The following CORO2B variants were observed in gnomAD, a reference collection of about 807,000 sequenced individuals.
CORO2B encodes the protein coronin-2B.
In CORO2B, 26 loss-of-function variants were observed where a neutral mutation model predicts 58.8. That is an observed-to-expected ratio of 0.44 (90% CI 0.32 to 0.61). The LOEUF (loss-of-function observed/expected upper bound fraction) is 0.61. Among genes scored for constraint, CORO2B ranks in the 20% least tolerant of loss-of-function variants. The pLI, the probability that CORO2B is intolerant of heterozygous loss-of-function variation, is 0.04. For synonymous variants in CORO2B, 242 were observed against 253.8 expected, an observed-to-expected ratio of 0.95 and a Z score of 0.44; for missense variants, 460 against 645.1, an observed-to-expected ratio of 0.71 and a Z score of 3.11.
chr15:68,639,214 A>G (rs572823434), intron 1 of CORO2B, among the ~76,000 whole-genome samples: 3 of 152,284 alleles, frequency 2.0e-5, no homozygotes, highest in East Asian at 1.9e-4. Flanking sequence ...CCCCCCTACC[A>G]TACTGAGAGA....
intron 3 of CORO2B, among the ~76,000 whole-genome samples, chr15:68,703,076 C>CT (rs201077689): frequency 0.026 from 3,915 of 149,814 alleles, 163 homozygotes; most frequent in African/African-American, 0.089. Flanking sequence ...ATCCACCCGC[C>CT]TCGCATCCCA....
chr15:68,616,242 C>G (rs1200066845), intron 1 of CORO2B, among the ~76,000 whole-genome samples: 1 of 152,094 alleles, frequency 6.6e-6, no homozygotes, highest in African/African-American at 2.4e-5. Context: ...ATAATAATAC[C>G]CCTGCCTCTT....
chr15:68,652,124 C>A (rs1185490220), intron 2 of CORO2B, among the ~76,000 whole-genome samples: 3 of 152,220 alleles, frequency 2.0e-5, no homozygotes, highest in Non-Finnish European at 2.9e-5. Flanking sequence ...ATCCATGATT[C>A]TTTCCACCAC....
intron 3 of CORO2B, among the ~76,000 whole-genome samples, chr15:68,699,579 C>G (rs1178018114): frequency 6.6e-6 from 1 of 152,108 alleles, no homozygotes; most frequent in African/African-American, 2.4e-5. Context: ...GAACTAAGCT[C>G]TCGCTCCAGC....
chr15:68,601,941 G>T (rs114200850), intron 1 of CORO2B, among the ~76,000 whole-genome samples: 1,672 of 152,234 alleles, frequency 0.011, 32 homozygotes, highest in African/African-American at 0.039. Flanking sequence ...ATCCTCCAGA[G>T]GGGGAGGATC....
chr15:68,708,691 A>T lies in CORO2B; in HGVS notation c.334-2041A>T, dbSNP rs557746229. ...CTTTGGCTTTCTTCCTTTTTTTTTTATTTTCTGAGACAGAGTCTCGCTCTG... is the reference window on the plus strand; with the variant it reads ...CTTTGGCTTTCTTCCTTTTTTTTTTTTTTTCTGAGACAGAGTCTCGCTCTG... On this transcript the variant is annotated intron_variant, in intron 3 of 11. Transcript: ENST00000261861. Among the ~76,000 whole-genome samples the T allele has an allele frequency of 3.6e-3, 499 of 140,204 alleles. 5 individuals carry two copies. The highest frequency in any genetic ancestry group is 0.013 in the African/African-American group (467 of 36,342). The allele number at this position is 140,204 out of a possible 152,430, so 92.0% of individuals were successfully genotyped here.
upstream of CORO2B, among the ~76,000 whole-genome samples, chr15:68,578,659 A>C (rs1899334918): frequency 6.6e-6 from 1 of 152,112 alleles, no homozygotes; most frequent in Non-Finnish European, 1.5e-5. This position sits in a 1 kb window ranked among gnomAD's most constrained non-coding sequence, Gnocchi z 4.2. Flanking sequence ...TCGGCCGTCC[A>C]GCCTGTGACT....
rs550236583 is a variant in CORO2B, at chr15:68,589,524, G to A, written c.15+10247G>A. Among the ~76,000 whole-genome samples the A allele has an allele frequency of 3.3e-5, 5 of 152,328 alleles. No homozygotes were observed. In the East Asian group the frequency reaches 5.8e-4, roughly 18 times the overall value. Reference sequence around the variant, plus strand: ...GACTTTAAAGATGTACAGTAGAAACGCCCATTTTGCAGAGGAGAAAACTAA... The same window carrying A: ...GACTTTAAAGATGTACAGTAGAAACACCCATTTTGCAGAGGAGAAAACTAA... On this transcript the variant is annotated intron_variant, in intron 1 of 11. Transcript: ENST00000261861.
chr15:68,703,142 CTTTTTTTCTT>C (rs1892697872), intron 3 of CORO2B, among the ~76,000 whole-genome samples: 1 of 104,534 alleles, frequency 9.6e-6, no homozygotes, highest in East Asian at 3.3e-4. Flanking sequence ...CCATATCTTT[CTTTTTTTCTT>C]TTTTTTTTTT....
In CORO2B at chr15:68,695,068, G is replaced by A. The variant is rs1391100442; in HGVS notation, c.217-72G>A. ...TCCAGTTGAGAGGCCCAGAAAAAAG[G>A]TGCTCCATTCAAGGCCACCCCAGGG... On this transcript the variant is annotated intron_variant, in intron 2 of 11. Transcript: ENST00000261861. 8.1e-6 allele frequency: 9 copies of A among 1,114,882 alleles called. 1 individual carries two copies. The highest frequency in any genetic ancestry group is 3.7e-5 in the South Asian group (3 of 80,562). The allele number at this position is 1,114,882 out of a possible 1,614,324, so 69.1% of individuals were successfully genotyped here.
At chr15:68,554,735 G>A in the CORO2B span, among the ~76,000 whole-genome samples, 3 of 152,204 alleles carry the variant, frequency 2.0e-5, no homozygotes, top group South Asian at 2.1e-4. Context: ...GTCTCAGAGC[G>A]GCTAAGTGAG....
intron 1 of CORO2B, among the ~76,000 whole-genome samples, chr15:68,627,967 C>G (rs1900729575): frequency 6.6e-6 from 1 of 152,138 alleles, no homozygotes; most frequent in Non-Finnish European, 1.5e-5. Flanking sequence ...CCGAAATCTT[C>G]CCTCCCTGCC....
the CORO2B span, among the ~76,000 whole-genome samples, chr15:68,573,819 T>C: frequency 6.6e-6 from 1 of 152,032 alleles, no homozygotes; most frequent in Non-Finnish European, 1.5e-5. Context: ...GTTAAAACCA[T>C]CCACAGGAGC....
the CORO2B span, among the ~76,000 whole-genome samples, chr15:68,528,332 A>C: frequency 6.6e-6 from 1 of 152,162 alleles, no homozygotes; most frequent in African/African-American, 2.4e-5. Flanking sequence ...CTAGTTTATT[A>C]GTAATTTTAA....
the CORO2B span, among the ~76,000 whole-genome samples, chr15:68,566,999 G>GGTTCTCTGTTCTCTGGGTTCTGTGCTTCA: frequency 6.6e-6 from 1 of 152,210 alleles, no homozygotes; most frequent in Non-Finnish European, 1.5e-5. Context: ...TTGGGTCTGA[G>GGTTCTCTGTTCTCTGGGTTCTGTGCTTCA]GTTCTCTGTT....
chr15:68,596,561 A>G (rs1475539403), intron 1 of CORO2B, among the ~76,000 whole-genome samples: 1 of 152,174 alleles, frequency 6.6e-6, no homozygotes, highest in Non-Finnish European at 1.5e-5. Flanking sequence ...TCTGGCTCCC[A>G]TAAGGCTGGC....
intron 2 of CORO2B, among the ~76,000 whole-genome samples, chr15:68,670,595 T>G (rs747938598): frequency 2.6e-5 from 4 of 152,220 alleles, no homozygotes; most frequent in Non-Finnish European, 4.4e-5. Flanking sequence ...AAAGAGCTCT[T>G]ATAAATTATT....
the CORO2B span, among the ~76,000 whole-genome samples, chr15:68,534,784 A>G: frequency 6.6e-6 from 1 of 152,214 alleles, no homozygotes; most frequent in Non-Finnish European, 1.5e-5. Flanking sequence ...TAATTTATAA[A>G]GAAAAAGAGG....
intron 7 of CORO2B, 78 bp downstream of exon 7, chr15:68,714,741 C>A: frequency 9.0e-7 from 1 of 1,114,004 alleles, no homozygotes. Flanking sequence ...CCTGCCCCAC[C>A]CCCTGGAGAG....
Sources: allele counts gnomAD v4.1 joint callset (sites outside exome capture counted in the v4.1 genomes callset), GRCh38; gene constraint gnomAD v4.1.1; non-coding constraint Gnocchi (gnomAD v3.1); transcripts MANE v1.5; gene names NCBI Gene and HGNC (gene_info 2026-07-23, HGNC 2026-07-21).